KALRN: variants seen among roughly 807,000 people sequenced by gnomAD.
KALRN encodes the protein kalirin RhoGEF kinase, also known as kalirin.
In KALRN, 70 loss-of-function variants were observed where a neutral mutation model predicts 353.7. The observed-to-expected ratio is 0.20, with a 90% CI of 0.16 to 0.24. KALRN has a LOEUF of 0.24. Among genes scored for constraint, KALRN ranks in the 10% least tolerant of loss-of-function variants. The pLI is 1.00. For synonymous variants in KALRN, 1,391 were observed against 1,434.8 expected, an observed-to-expected ratio of 0.97 and a Z score of 0.69; for missense variants, 2,791 against 3,756.7, an observed-to-expected ratio of 0.74 and a Z score of 6.72.
At chr3:124,646,875 A>G (rs932513855) in intron 37 of KALRN, among the ~76,000 whole-genome samples, 1 of 152,132 alleles carries the variant, frequency 6.6e-6, no homozygotes, top group African/African-American at 2.4e-5. Context: ...AGTTAATCAC[A>G]GAGTACTTAA....
chr3:124,089,596 G>T (rs1343988588), intron 1 of KALRN, among the ~76,000 whole-genome samples: 1 of 152,094 alleles, frequency 6.6e-6, no homozygotes, highest in Non-Finnish European at 1.5e-5. Flanking sequence ...GATTGCAGAG[G>T]CCTCATGGAT....
At chr3:124,694,245 G>A in intron 52 of KALRN, 87 bp from the exon 53 acceptor site, 2 of 1,262,458 alleles carry the variant, frequency 1.6e-6, no homozygotes, top group Non-Finnish European at 1.1e-6. Flanking sequence ...ACATGGGTGG[G>A]AAATGAGAGA....
chr3:124,342,214 A>AT (rs1386963092), intron 9 of KALRN, among the ~76,000 whole-genome samples: 1 of 151,942 alleles, frequency 6.6e-6, no homozygotes, highest in Non-Finnish European at 1.5e-5. Flanking sequence ...TAATTTTGTT[A>AT]TATACGTAGA....
At chr3:124,705,140 G>A (rs897162004) in intron 57 of KALRN, among the ~76,000 whole-genome samples, 3 of 152,190 alleles carry the variant, frequency 2.0e-5, no homozygotes, top group Non-Finnish European at 4.4e-5. Flanking sequence ...GATTGTCACT[G>A]GAAATGCTGA....
intron 1 of KALRN, among the ~76,000 whole-genome samples, chr3:124,039,199 TCA>T (rs1010322258): frequency 3.3e-5 from 5 of 152,216 alleles, no homozygotes; most frequent in African/African-American, 1.2e-4. Flanking sequence ...GCTCCTGCAT[TCA>T]CAGTCTCCTT....
At position 124,453,137 on chromosome 3, in the gene KALRN, T is replaced by G. The variant is rs531610499; in HGVS notation, c.3553-2040T>G. On this transcript the variant is annotated intron_variant, in intron 21 of 59. Coordinates refer to ENST00000682506, the MANE Select transcript of KALRN (RefSeq NM_001388419.1). Reference sequence around the variant, plus strand: ...AAAAAGGGGTTCAATAATTCTAGTTTAGATAGAATCAAGTAGATTCTATTT... The same window carrying G: ...AAAAAGGGGTTCAATAATTCTAGTTGAGATAGAATCAAGTAGATTCTATTT... 5.9e-4 allele frequency among the ~76,000 whole-genome samples: 90 copies of G among 152,384 alleles called. 1 individual carries two copies. The highest frequency in any genetic ancestry group is 1.0e-3 in the Non-Finnish European group (69 of 68,038).
intron 10 of KALRN, among the ~76,000 whole-genome samples, chr3:124,355,700 C>T (rs2083310482): frequency 1.4e-5 from 2 of 139,640 alleles, no homozygotes; most frequent in South Asian, 2.3e-4. Context: ...ACCCTCAACT[C>T]TCTCCCATCT....
chr3:124,637,330 T>G (rs113168102), intron 37 of KALRN, 27 bp downstream of exon 37: 5 of 1,515,446 alleles, frequency 3.3e-6, no homozygotes, highest in Non-Finnish European at 4.6e-6. Context: ...GAGGCAGTTC[T>G]GTGTGTGTCT....
intron 51 of KALRN, among the ~76,000 whole-genome samples, chr3:124,688,271 C>T (rs1039840867): frequency 6.7e-6 from 1 of 148,908 alleles, no homozygotes; most frequent in Non-Finnish European, 1.5e-5. Context: ...GGTGATCATG[C>T]CACTGCACTC....
intron 3 of KALRN, among the ~76,000 whole-genome samples, chr3:124,261,810 C>T (rs1332441706): frequency 6.6e-6 from 1 of 152,182 alleles, no homozygotes; most frequent in African/African-American, 2.4e-5. Flanking sequence ...CCACAGTTAA[C>T]GTTGCCGAAC....
At position 124,697,626 on chromosome 3, in the gene KALRN, A is replaced by G. The variant is rs774080841; in HGVS notation, c.7733A>G (p.Gln2578Arg). The G allele has an allele frequency of 1.2e-6, 2 of 1,612,938 alleles. No homozygotes were observed. The highest frequency in any genetic ancestry group is 1.7e-6 in the Non-Finnish European group (2 of 1,179,620). ...GCAGCCCCTAACCGCCCCATTGCCC[A>G]GGAGAGAAGCTGCACCTCCGTGATT... ...VPAAPNRPIA[Q>R]ERSCTSVILR... Residue 2578 changes from glutamine (Q) to arginine (R), a missense_variant, in exon 55 of 60, where the codon CAG becomes CGG. Transcript: ENST00000682506.
chr3:124,534,355 A>G (rs1171080219), intron 33 of KALRN, among the ~76,000 whole-genome samples: 3 of 152,068 alleles, frequency 2.0e-5, no homozygotes, highest in African/African-American at 7.2e-5. Flanking sequence ...GGGTAACAAC[A>G]CACACTGGGG....
chr3:124,078,146 C>G (rs1159164155), intron 1 of KALRN, among the ~76,000 whole-genome samples: 1 of 152,120 alleles, frequency 6.6e-6, no homozygotes, highest in Non-Finnish European at 1.5e-5. Context: ...TCCTGTTTTT[C>G]CATCCTCTAA....
At chr3:124,620,574 AT>A (rs1167206381) in intron 34 of KALRN, among the ~76,000 whole-genome samples, 38 of 152,356 alleles carry the variant, frequency 2.5e-4, no homozygotes, top group African/African-American at 9.1e-4. Flanking sequence ...AGAGCAGCAG[AT>A]CTGCTTTCAC....
At chr3:124,419,019 C>T (rs913711740) in intron 14 of KALRN, among the ~76,000 whole-genome samples, 1 of 151,380 alleles carries the variant, frequency 6.6e-6, no homozygotes, top group Non-Finnish European at 1.5e-5. Flanking sequence ...TTGCAGTGAG[C>T]TGAGATCGCA....
intron 1 of KALRN, among the ~76,000 whole-genome samples, chr3:124,224,173 C>A (rs1203188671): frequency 6.7e-6 from 1 of 149,548 alleles, no homozygotes; most frequent in South Asian, 2.1e-4. Flanking sequence ...TTTTTTCCTG[C>A]AGCAACTCCA....
chr3:124,567,077 G>A (rs1056125748), intron 34 of KALRN, among the ~76,000 whole-genome samples: 7 of 152,188 alleles, frequency 4.6e-5, no homozygotes, highest in African/African-American at 1.7e-4. Context: ...CCCAACGCTG[G>A]CTGCACATGA....
At chr3:124,348,292 G>A (rs575889457) in intron 10 of KALRN, among the ~76,000 whole-genome samples, 9 of 152,192 alleles carry the variant, frequency 5.9e-5, no homozygotes, top group Non-Finnish European at 1.0e-4. Flanking sequence ...CTCAATGTGG[G>A]CCCTACTTTG....
intron 13 of KALRN, among the ~76,000 whole-genome samples, chr3:124,405,611 A>G (rs1249546206): frequency 1.3e-5 from 2 of 150,764 alleles, no homozygotes; most frequent in African/African-American, 2.4e-5. Flanking sequence ...GTTAATTGAC[A>G]GTTGTGATTA....
Sources: gnomAD v4.1 joint callset for allele counts (sites outside exome capture counted in the v4.1 genomes callset) on GRCh38, gnomAD v4.1.1 for gene constraint, MANE v1.5 for transcripts, NCBI Gene and HGNC (gene_info 2026-07-23, HGNC 2026-07-21) for gene names.